The following DNAJB14 variants were observed in gnomAD, a reference collection of about 807,000 sequenced individuals.
DNAJB14 encodes dnaJ homolog subfamily B member 14.
DNAJB14 carries 22 observed loss-of-function variants against 48.4 expected under a neutral mutation model. The observed-to-expected ratio is 0.45, with a 90% CI of 0.32 to 0.65. The LOEUF (loss-of-function observed/expected upper bound fraction) is 0.65. Among genes scored for constraint, DNAJB14 ranks in the 30% least tolerant of loss-of-function variants. The pLI is 0.03. For missense variants in DNAJB14, 319 were observed against 458.8 expected (o/e 0.70, Z 2.78); for synonymous variants, 142 against 158.7 (o/e 0.89, Z 0.79).
intron 1 of DNAJB14, among the ~76,000 whole-genome samples, chr4:99,940,203 C>T (rs1423889544): frequency 6.6e-6 from 1 of 152,092 alleles, no homozygotes; most frequent in African/African-American, 2.4e-5. Context: ...AATATCAGAA[C>T]ACATGATTTG....
In DNAJB14 at chr4:99,905,637, A is replaced by C. The variant is rs369646383; in HGVS notation, c.802T>G (p.Leu268Val). 1 of 1,611,888 alleles carries C rather than the reference A, an allele frequency of 6.2e-7. No individual in the cohort carries two copies. The highest frequency in any genetic ancestry group is 8.5e-7 in the Non-Finnish European group (1 of 1,179,510). ...GAATAAGGAGGATTAGAGACCATCA[A>C]CTGGCTTAATAATGACACGAGGATC... is the stretch of plus-strand genomic sequence containing the variant. Reference protein sequence around the residue: ...VLILVSLLSQLMVSNPPYSLY... With the variant: ...VLILVSLLSQVMVSNPPYSLY... The change falls in exon 6 of 8, where the codon TTG becomes GTG. Residue 268 changes from leucine (L) to valine (V), a missense_variant. By Grantham distance (32) the Leu-to-Val change is conservative (BLOSUM62 1). Around this residue, in one of 3 missense-constraint regions of DNAJB14, gnomAD observed 166 missense variants for 236.3 expected, o/e 0.70. Coordinates refer to ENST00000442697, the MANE Select transcript of DNAJB14 (RefSeq NM_001031723.4).
intron 1 of DNAJB14, among the ~76,000 whole-genome samples, chr4:99,942,923 T>A (rs1051983195): frequency 1.3e-5 from 2 of 152,150 alleles, no homozygotes; most frequent in African/African-American, 4.8e-5. Context: ...TGGACTAGTA[T>A]AAGTGAAATT....
At chr4:99,919,677 C>T (rs927425597) in intron 3 of DNAJB14, among the ~76,000 whole-genome samples, 1 of 152,088 alleles carries the variant, frequency 6.6e-6, no homozygotes, top group African/African-American at 2.4e-5. Context: ...GTTGGTCTGC[C>T]TTTTTTCTCT....
intron 1 of DNAJB14, chr4:99,942,282 A>G (rs1726914798): frequency 6.6e-6 from 1 of 151,976 alleles, no homozygotes; most frequent in Non-Finnish European, 1.5e-5. Context: ...CCACCAATTG[A>G]TTCAAATTAC....
At chr4:99,934,419 A>T (rs187611654) in intron 1 of DNAJB14, among the ~76,000 whole-genome samples, 11 of 152,306 alleles carry the variant, frequency 7.2e-5, no homozygotes, top group African/African-American at 2.6e-4. Flanking sequence ...ACAGATGAAC[A>T]CTTTAATACT....
intron 7 of DNAJB14, among the ~76,000 whole-genome samples, chr4:99,902,142 C>A (rs375685661): frequency 6.6e-6 from 1 of 152,154 alleles, no homozygotes; most frequent in African/African-American, 2.4e-5. Flanking sequence ...GAAGTTCACA[C>A]TGCTAACGAA....
At chr4:99,931,478 TA>T (rs1234394952) in intron 1 of DNAJB14, among the ~76,000 whole-genome samples, 2 of 151,964 alleles carry the variant, frequency 1.3e-5, no homozygotes, top group African/African-American at 4.8e-5. Flanking sequence ...AAACTAAACA[TA>T]AAAAACATTA....
intron 3 of DNAJB14, among the ~76,000 whole-genome samples, chr4:99,909,365 C>T (rs763374163): frequency 1.1e-4 from 17 of 151,998 alleles, no homozygotes; most frequent in African/African-American, 1.4e-4. Context: ...ATTCTTAGCA[C>T]GATAAATACA....
At chr4:99,924,834 T>G (rs770225760) in intron 2 of DNAJB14, 1 of 1,518,964 alleles carries the variant, frequency 6.6e-7, no homozygotes, top group Non-Finnish European at 9.1e-7. Flanking sequence ...TCAAAGTTAT[T>G]CTATAACTAA....
At chr4:99,944,879 ATCAG>A (rs1049094207) in intron 1 of DNAJB14, among the ~76,000 whole-genome samples, 4 of 152,274 alleles carry the variant, frequency 2.6e-5, no homozygotes, top group African/African-American at 9.6e-5. Flanking sequence ...GCCCAGCCTA[ATCAG>A]TATTTTTTTA....
intron 1 of DNAJB14, among the ~76,000 whole-genome samples, chr4:99,943,897 A>C (rs756530556): frequency 1.2e-4 from 18 of 152,214 alleles, no homozygotes; most frequent in Non-Finnish European, 1.9e-4. Context: ...CACTACAACA[A>C]ACTTAAAAAC....
At chr4:99,908,932 T>A in intron 3 of DNAJB14, 36 bp from the exon 4 acceptor site, 1 of 1,430,304 alleles carries the variant, frequency 7.0e-7, no homozygotes, top group Non-Finnish European at 9.3e-7. Flanking sequence ...GTAAGCAAAG[T>A]TTTTATATTA....
chr4:99,940,878 A>G (rs2110225532), intron 1 of DNAJB14, among the ~76,000 whole-genome samples: 1 of 152,074 alleles, frequency 6.6e-6, no homozygotes, highest in Middle Eastern at 3.4e-3. Flanking sequence ...AATGAATTTA[A>G]TCAGTTTCCA....
intron 3 of DNAJB14, among the ~76,000 whole-genome samples, chr4:99,921,885 A>T (rs1726075444): frequency 6.6e-6 from 1 of 152,208 alleles, no homozygotes; most frequent in African/African-American, 2.4e-5. Context: ...GTGTTTTTTT[A>T]AAATGAAAGC....
At chr4:99,926,730 CACAG>C (rs1034892326) in intron 2 of DNAJB14, 2 of 151,408 alleles carry the variant, frequency 1.3e-5, no homozygotes, top group African/African-American at 2.4e-5. Context: ...TAAGAATTGC[CACAG>C]ACAAACAAAA....
At chr4:99,903,615 C>A in intron 7 of DNAJB14, 111 bp downstream of exon 7, 1 of 1,170,744 alleles carries the variant, frequency 8.5e-7, no homozygotes, top group Non-Finnish European at 1.2e-6. Flanking sequence ...GTACTGTGCT[C>A]CAATTATGTG....
chr4:99,913,654 G>A, intron 3 of DNAJB14, among the ~76,000 whole-genome samples: 1 of 126,516 alleles, frequency 7.9e-6, no homozygotes, highest in Middle Eastern at 4.4e-3. Context: ...TAATGTCTTT[G>A]GTTTTGATAT....
intron 3 of DNAJB14, among the ~76,000 whole-genome samples, chr4:99,914,235 T>C (rs1255318043): frequency 2.0e-5 from 3 of 152,070 alleles, no homozygotes; most frequent in African/African-American, 7.2e-5. Context: ...TTCAATATAC[T>C]GAACCAACCC....
rs1725200077 is a variant in DNAJB14 at position 99,898,626 on chromosome 4, A to C, written c.*2402T>G. On this transcript the variant is annotated 3_prime_UTR_variant, in exon 8 of 8. Coordinates refer to ENST00000442697, the MANE Select transcript of DNAJB14 (RefSeq NM_001031723.4). ...AAAGGGGTAAAAATGTAAAGCATTA[A>C]TAAATATAAGTGCTGCTAAACTGTT... 6.6e-6 allele frequency: 1 copy of C among 151,956 alleles called. No homozygotes were observed. Among genetic ancestry groups the C allele is most frequent in the Non-Finnish European group, 1.5e-5 (1 of 67,812 alleles). The allele number at this position is 151,956 out of a possible 1,614,324, so 9.4% of individuals were successfully genotyped here.
Sources: allele counts gnomAD v4.1 joint callset (sites outside exome capture counted in the v4.1 genomes callset), GRCh38; gene constraint gnomAD v4.1.1; regional missense constraint gnomAD v4.1.1; transcripts MANE v1.5; gene names NCBI Gene and HGNC (gene_info 2026-07-23, HGNC 2026-07-21).